The following ELP2 variants were observed in gnomAD, a reference collection of about 807,000 sequenced individuals.
ELP2 encodes elongator complex protein 2.
In ELP2, 90 loss-of-function variants were observed where a neutral mutation model predicts 119.2. That is an observed-to-expected ratio of 0.75 (90% CI 0.64 to 0.90). ELP2 has a LOEUF of 0.90. Ranked by LOEUF, ELP2 falls within the 40% of genes least tolerant of loss-of-function variation. ELP2 has a pLI of 0.00. For synonymous variants in ELP2, 339 were observed against 331.0 expected (o/e 1.02, Z -0.26); for missense variants, 921 against 967.8 (o/e 0.95, Z 0.64).
intron 11 of ELP2, among the ~76,000 whole-genome samples, chr18:36,154,383 T>G (rs939447491): frequency 1.3e-5 from 2 of 152,228 alleles, no homozygotes; most frequent in African/African-American, 4.8e-5. Context: ...CAGGTCCACA[T>G]GCAGAACCCA....
intron 11 of ELP2, among the ~76,000 whole-genome samples, chr18:36,150,029 A>G (rs1222356037): frequency 6.6e-6 from 1 of 152,058 alleles, no homozygotes; most frequent in Non-Finnish European, 1.5e-5. Context: ...GAGCATTTTC[A>G]TCTTTCATTT....
At chr18:36,164,701 G>GA (rs760465914) in intron 18 of ELP2, 34 bp downstream of exon 18, 1 of 1,596,636 alleles carries the variant, frequency 6.3e-7, no homozygotes, top group Admixed American at 1.7e-5. Context: ...AGTTATTAGT[G>GA]AAACAGTTAT....
intron 12 of ELP2, among the ~76,000 whole-genome samples, chr18:36,155,878 T>C (rs9949282): frequency 0.37 from 56,200 of 152,100 alleles, 11,294 homozygotes; most frequent in South Asian, 0.6. Context: ...AAATTTTCAC[T>C]GTGTTAGGCA....
rs779742209 is a variant in ELP2, at chr18:36,133,229, T to C, written c.139-9T>C. 1 of 1,598,594 alleles carries C rather than the reference T, an allele frequency of 6.3e-7. No homozygotes were observed. The highest frequency in any genetic ancestry group is 1.1e-5 in the South Asian group (1 of 90,668). The stretch of plus-strand genomic sequence containing the variant: ...TTCCAGTTTACTAACTGTATTTTCT[T>C]CTCTAAAGAAAAGGGTTGTTGTTAC... On this transcript the variant is annotated splice_polypyrimidine_tract_variant and intron_variant, in intron 1 of 21. Transcript: ENST00000358232.
intron 1 of ELP2, 84 bp downstream of exon 1, chr18:36,130,155 C>A: frequency 6.3e-7 from 1 of 1,578,236 alleles, no homozygotes; most frequent in Non-Finnish European, 8.7e-7. Context: ...TTAGTTGCCG[C>A]CCCAGACCTA....
chr18:36,143,006 G>A (rs750602594), intron 8 of ELP2, 40 bp downstream of exon 8: 5 of 1,472,862 alleles, frequency 3.4e-6, no homozygotes, highest in African/African-American at 2.8e-5. Context: ...CGATACTTAG[G>A]TCTCCTAGTT....
At chr18:36,137,697 C>T (rs905878408) in intron 3 of ELP2, among the ~76,000 whole-genome samples, 2 of 150,314 alleles carry the variant, frequency 1.3e-5, no homozygotes, top group African/African-American at 4.9e-5. Context: ...TTTTGCAGCC[C>T]TACTTGATTT....
At chr18:36,157,876 T>G (rs2090619744) in intron 13 of ELP2, among the ~76,000 whole-genome samples, 1 of 152,200 alleles carries the variant, frequency 6.6e-6, no homozygotes, top group African/African-American at 2.4e-5. Flanking sequence ...GGACAGCTAG[T>G]TTCAGGATCT....
At chr18:36,149,291 C>G (rs79733599) in intron 11 of ELP2, among the ~76,000 whole-genome samples, 1 of 152,272 alleles carries the variant, frequency 6.6e-6, no homozygotes, top group South Asian at 2.1e-4. Flanking sequence ...CAGTCTACTA[C>G]GTTCAGACAG....
At position 36,151,754 on chromosome 18, in the gene ELP2, T is replaced by G. The variant is rs150031162; in HGVS notation, c.1126-3096T>G. Among the ~76,000 whole-genome samples the G allele has an allele frequency of 8.5e-5, 6 of 70,634 alleles. No homozygotes were observed. In the East Asian group the frequency reaches 1.2e-3, roughly 14 times the overall value. 46.3% of individuals were successfully genotyped at this position (70,634 alleles called of 152,430 possible). A position where few individuals can be genotyped will look rare whatever the true frequency, so the allele number is the denominator to read the frequency against. ...TCTGTTCTGTTCTGTTTTTTTTTTT[T>G]TTTTTTTTTTTGAGGTGGAGTTTCG... On this transcript the variant is annotated intron_variant, in intron 11 of 21. Coordinates refer to ENST00000358232, the MANE Select transcript of ELP2 (RefSeq NM_018255.4).
rs1283454201 is a variant in ELP2, at chr18:36,160,953, A to AT, written c.1714dup (p.Cys572LeufsTer5). 1 of 1,613,424 alleles carries AT rather than the reference A, an allele frequency of 6.2e-7. No homozygotes were observed. Among genetic ancestry groups the AT allele is most frequent in the Non-Finnish European group, 8.5e-7 (1 of 1,179,440 alleles). ...TTAGATATGGGCACGGTTATGAAAT[A>AT]TTTTGTGTTACTTGTAACAGTTCAA... On this transcript the variant is annotated frameshift_variant, in exon 17 of 22. Transcript: ENST00000358232. LOFTEE classifies it high-confidence loss of function.
intron 21 of ELP2, among the ~76,000 whole-genome samples, chr18:36,171,819 C>T (rs916514901): frequency 2.0e-5 from 3 of 152,234 alleles, no homozygotes; most frequent in Admixed American, 6.5e-5. Context: ...CAGGCTCAAT[C>T]AGTCTTCCTA....
intron 13 of ELP2, among the ~76,000 whole-genome samples, chr18:36,157,925 A>G (rs1185801800): frequency 1.3e-5 from 2 of 152,322 alleles, no homozygotes; most frequent in Non-Finnish European, 2.9e-5. Flanking sequence ...TTACGATTCC[A>G]TGAGAGGCTT....
At position 36,177,144 on chromosome 18, in the gene ELP2, G is replaced by A. The variant is rs1012906534; in HGVS notation, c.*2503G>A. On this transcript the variant is annotated 3_prime_UTR_variant, in exon 22 of 22. Transcript: ENST00000358232. ...ATACATAAAAAATATGATGGGTGGA[G>A]TGACGGACACATGGACAGATATGAA... The A allele has an allele frequency of 4.6e-5, 7 of 152,174 alleles. No homozygotes were observed. Among genetic ancestry groups the A allele is most frequent in the Non-Finnish European group, 7.3e-5 (5 of 68,042 alleles). The allele number at this position is 152,174 out of a possible 1,614,324, so 9.4% of individuals were successfully genotyped here.
At chr18:36,139,044 A>AT (rs1190473883) in intron 5 of ELP2, among the ~76,000 whole-genome samples, 172 bp downstream of exon 5, 1 of 152,238 alleles carries the variant, frequency 6.6e-6, no homozygotes, top group African/African-American at 2.4e-5. Context: ...AGTATAGAAC[A>AT]TAAAGTTAAG....
At chr18:36,142,433 T>C in intron 7 of ELP2, 86 bp downstream of exon 7, 2 of 1,142,448 alleles carry the variant, frequency 1.8e-6, no homozygotes, top group East Asian at 2.3e-5. Context: ...TTTTAATTTT[T>C]AAGTTTTCTT....
At chr18:36,160,577 T>TG (rs1555644101) in intron 16 of ELP2, among the ~76,000 whole-genome samples, 1 of 13,390 alleles carries the variant, frequency 7.5e-5, no homozygotes, top group African/African-American at 2.5e-4. Context: ...GACCTTGCCT[T>TG]GAAAAAAAAA....
chr18:36,147,705 G>A (rs1297312117), intron 11 of ELP2, among the ~76,000 whole-genome samples: 1 of 152,124 alleles, frequency 6.6e-6, no homozygotes, highest in African/African-American at 2.4e-5. Context: ...TTACAGGCGT[G>A]AGCCACCGCA....
intron 19 of ELP2, among the ~76,000 whole-genome samples, chr18:36,167,513 A>G (rs1249460234): frequency 6.6e-6 from 1 of 152,212 alleles, no homozygotes; most frequent in Admixed American, 6.5e-5. Context: ...ATCAAGACCA[A>G]GAAACTAGGA....
Sources: allele counts gnomAD v4.1 joint callset (sites outside exome capture counted in the v4.1 genomes callset), GRCh38; gene constraint gnomAD v4.1.1; transcripts MANE v1.5; gene names NCBI Gene and HGNC (gene_info 2026-07-23, HGNC 2026-07-21).